Variants in OCA2 observed in about 807,000 individuals in gnomAD.
OCA2 encodes OCA2 melanosomal transmembrane protein.
A neutral mutation model predicts 100.2 loss-of-function variants in OCA2; 77 were observed. That is an observed-to-expected ratio of 0.77 (90% CI 0.64 to 0.93). OCA2 has a LOEUF of 0.93. Ranked by LOEUF, OCA2 falls within the 40% of genes least tolerant of loss-of-function variation. The pLI is 0.00. For synonymous variants in OCA2, 432 were observed against 439.2 expected, an observed-to-expected ratio of 0.98 and a Z score of 0.21; for missense variants, 1,062 against 1,089.1, an observed-to-expected ratio of 0.98 and a Z score of 0.35.
chr15:28,034,617 A>C (rs187522772), intron 2 of OCA2, among the ~76,000 whole-genome samples: 46 of 152,272 alleles, frequency 3.0e-4, no homozygotes, highest in African/African-American at 1.1e-3. Context: ...CTCTAAAAAA[A>C]TTCAAAAATT....
intron 14 of OCA2, among the ~76,000 whole-genome samples, chr15:27,972,534 T>C (rs1193119133): frequency 6.6e-6 from 1 of 152,242 alleles, no homozygotes; most frequent in East Asian, 1.9e-4. Flanking sequence ...TTTTTAATAA[T>C]GGCCATAATG....
At chr15:27,727,726 G>C in the OCA2 span, among the ~76,000 whole-genome samples, 1 of 152,120 alleles carries the variant, frequency 6.6e-6, no homozygotes, top group African/African-American at 2.4e-5. Flanking sequence ...TATTCTAAAC[G>C]ATCATGGCCT....
chr15:27,985,252 C>G (rs1204585202), intron 12 of OCA2, 64 bp from the exon 13 acceptor site: 1 of 1,594,064 alleles, frequency 6.3e-7, no homozygotes, highest in Non-Finnish European at 8.6e-7. Flanking sequence ...CAGAGGCAGC[C>G]TTTCATTAGT....
chr15:27,992,105 CTTT>C (rs66972965), intron 9 of OCA2, among the ~76,000 whole-genome samples: 2 of 144,222 alleles, frequency 1.4e-5, no homozygotes, highest in Non-Finnish European at 1.5e-5. Context: ...GTTTAGGACG[CTTT>C]TTTTTTTTTT....
At chr15:27,773,412 C>T (rs1184065331) in intron 23 of OCA2, among the ~76,000 whole-genome samples, 1 of 152,130 alleles carries the variant, frequency 6.6e-6, no homozygotes, top group African/African-American at 2.4e-5. Context: ...TTGTGATCTT[C>T]ATTAATTCAA....
intron 23 of OCA2, among the ~76,000 whole-genome samples, chr15:27,837,872 G>A (rs1404135179): frequency 7.0e-6 from 1 of 143,012 alleles, no homozygotes; most frequent in Non-Finnish European, 1.5e-5. Context: ...GAATGGAAAT[G>A]CCCCACGACT....
At position 27,755,330 on chromosome 15, in the gene OCA2, C is replaced by G. The variant is rs2030255669; in HGVS notation, c.*58G>C. ...CAGTGGGGTCAGGGTAGTTTTATGACTAATGGGTTGTGATGGATGAAGTTT... is the reference window on the plus strand; with the variant it reads ...CAGTGGGGTCAGGGTAGTTTTATGAGTAATGGGTTGTGATGGATGAAGTTT... On this transcript the variant is annotated 3_prime_UTR_variant, in exon 24 of 24. Transcript: ENST00000354638. 3.0e-6 allele frequency: 4 copies of G among 1,328,454 alleles called. No individual in the cohort carries two copies. The Admixed American group carries it at 5.1e-5, about 17-fold the overall frequency. 82.3% of individuals were successfully genotyped at this position (1,328,454 alleles called of 1,614,324 possible).
At chr15:28,015,110 C>G (rs571582351) in intron 8 of OCA2, among the ~76,000 whole-genome samples, 181 bp from the exon 9 acceptor site, 5 of 152,276 alleles carry the variant, frequency 3.3e-5, no homozygotes, top group South Asian at 2.1e-4. Context: ...AGCCTCCCTG[C>G]AGCCAAGCCC....
intron 6 of OCA2, among the ~76,000 whole-genome samples, chr15:28,020,924 T>G (rs908413330): frequency 3.9e-5 from 6 of 152,052 alleles, no homozygotes; most frequent in Non-Finnish European, 8.8e-5. Context: ...GGTAGGTCAC[T>G]GGCTAAGGAG....
rs140892619 is a variant in OCA2, at chr15:27,863,811, T to A, written c.2244+7343A>T. Among the ~76,000 whole-genome samples the A allele has an allele frequency of 2.4e-3, 364 of 152,346 alleles. 2 individuals are homozygous for A. Among genetic ancestry groups the A allele is most frequent in the African/African-American group, 8.5e-3 (352 of 41,574 alleles). The stretch of plus-strand genomic sequence containing the variant: ...TGCTCTTCTTCAATTCATTATTCAA[T>A]ATTTTTTGTTGAAAACATTATAGGT... On this transcript the variant is annotated intron_variant, in intron 21 of 23. Transcript: ENST00000354638.
chr15:27,963,136 C>T (rs1158736050), intron 15 of OCA2, among the ~76,000 whole-genome samples: 1 of 151,950 alleles, frequency 6.6e-6, no homozygotes, highest in Non-Finnish European at 1.5e-5. Flanking sequence ...ATGCATAAAG[C>T]AAAATAATAG....
At chr15:27,782,871 A>G (rs2032615956) in intron 23 of OCA2, among the ~76,000 whole-genome samples, 1 of 152,246 alleles carries the variant, frequency 6.6e-6, no homozygotes, top group African/African-American at 2.4e-5. Flanking sequence ...TCATTAGCTC[A>G]TAAATTTGCA....
intron 2 of OCA2, among the ~76,000 whole-genome samples, chr15:28,049,472 T>C (rs192017533): frequency 7.2e-5 from 11 of 152,340 alleles, no homozygotes; most frequent in Non-Finnish European, 1.5e-4. Flanking sequence ...CTCCTAGATG[T>C]ATATCCCAAA....
intron 21 of OCA2, among the ~76,000 whole-genome samples, chr15:27,870,245 C>A (rs1389466440): frequency 2.0e-5 from 3 of 152,212 alleles, no homozygotes; most frequent in African/African-American, 4.8e-5. Context: ...AAGGGGGAGA[C>A]CCTCAGAGTC....
chr15:27,795,270 C>G (rs148169405), intron 23 of OCA2, among the ~76,000 whole-genome samples: 1 of 152,328 alleles, frequency 6.6e-6, no homozygotes, highest in Non-Finnish European at 1.5e-5. Flanking sequence ...CAGACACTGT[C>G]ATTGTTCAGA....
At chr15:28,095,204 G>A (rs558785705) in intron 1 of OCA2, among the ~76,000 whole-genome samples, 1 of 152,164 alleles carries the variant, frequency 6.6e-6, no homozygotes, top group Non-Finnish European at 1.5e-5. Flanking sequence ...TGCGGGACTC[G>A]GAGCAGAGCT....
intron 23 of OCA2, among the ~76,000 whole-genome samples, chr15:27,836,466 T>C (rs1228106161): frequency 2.0e-5 from 3 of 152,202 alleles, no homozygotes; most frequent in African/African-American, 4.8e-5. Flanking sequence ...ATATAACATG[T>C]GGATGAGACT....
chr15:27,835,700 G>A (rs1487901585), intron 23 of OCA2, among the ~76,000 whole-genome samples: 1 of 152,204 alleles, frequency 6.6e-6, no homozygotes. Context: ...TCAGGCTCCT[G>A]GCAATGATAT....
intron 22 of OCA2, among the ~76,000 whole-genome samples, chr15:27,846,174 C>T (rs1242506280): frequency 1.3e-5 from 2 of 152,126 alleles, no homozygotes; most frequent in African/African-American, 2.4e-5. Flanking sequence ...GCCCAGACAG[C>T]CCCCTCTGGG....
Sources: gnomAD v4.1 joint callset for allele counts (sites outside exome capture counted in the v4.1 genomes callset) on GRCh38, gnomAD v4.1.1 for gene constraint, MANE v1.5 for transcripts, NCBI Gene and HGNC (gene_info 2026-07-23, HGNC 2026-07-21) for gene names.